Variants in TADA2A observed in about 807,000 individuals in gnomAD.
TADA2A encodes transcriptional adapter 2-alpha.
TADA2A carries 38 observed loss-of-function variants against 67.4 expected under a neutral mutation model. That is an observed-to-expected ratio of 0.56 (90% CI 0.44 to 0.74). TADA2A has a LOEUF of 0.74. TADA2A is among the 30% of genes least tolerant of loss of function. The pLI is 0.00. For synonymous variants in TADA2A, 192 were observed against 181.6 expected, an observed-to-expected ratio of 1.06 and a Z score of -0.46; for missense variants, 454 against 547.0, an observed-to-expected ratio of 0.83 and a Z score of 1.70.
At chr17:37,453,597 T>C (rs1183521471) in intron 8 of TADA2A, among the ~76,000 whole-genome samples, 2 of 152,126 alleles carry the variant, frequency 1.3e-5, no homozygotes, top group Non-Finnish European at 2.9e-5. Context: ...TAGTAGAACA[T>C]GTAAATAATG....
intron 9 of TADA2A, chr17:37,461,832 A>G: frequency 2.8e-6 from 1 of 357,246 alleles, no homozygotes. Context: ...TGATTGATTC[A>G]TTCGTTCAGC....
intron 2 of TADA2A, among the ~76,000 whole-genome samples, chr17:37,413,021 G>A (rs1415375250): frequency 1.3e-5 from 2 of 151,648 alleles, no homozygotes; most frequent in Admixed American, 6.6e-5. Flanking sequence ...TCCACCTCCC[G>A]GGTTCAAGCA....
chr17:37,407,049 G>C (rs560853091), intron 1 of TADA2A, 100 bp downstream of exon 1: 2 of 147,170 alleles, frequency 1.4e-5, no homozygotes, highest in Non-Finnish European at 3.0e-5. Context: ...AGGTGCGGCG[G>C]GGGAGGAGTC....
intron 5 of TADA2A, among the ~76,000 whole-genome samples, chr17:37,438,879 G>GT (rs1328018306): frequency 2.6e-5 from 4 of 152,166 alleles, no homozygotes; most frequent in Admixed American, 1.3e-4. Context: ...TCTATCCGCT[G>GT]TGGGTAAGGC....
intron 10 of TADA2A, 122 bp downstream of exon 10, chr17:37,462,243 C>A: frequency 3.2e-6 from 2 of 633,986 alleles, no homozygotes; most frequent in South Asian, 2.2e-5. Context: ...TCACTCCAGA[C>A]TAATGAAGTA....
At chr17:37,461,045 C>T (rs770218041) in intron 9 of TADA2A, among the ~76,000 whole-genome samples, 1 of 152,080 alleles carries the variant, frequency 6.6e-6, no homozygotes, top group Non-Finnish European at 1.5e-5. Flanking sequence ...CAGCAGTCCT[C>T]AACCTTTTTG....
chr17:37,443,438 G>A (rs1039313311), intron 7 of TADA2A, among the ~76,000 whole-genome samples: 14 of 152,046 alleles, frequency 9.2e-5, no homozygotes, highest in Non-Finnish European at 4.4e-5. Flanking sequence ...ATTTTTAGTA[G>A]AGATAGGGTT....
At chr17:37,413,927 G>GT (rs2051958725) in intron 2 of TADA2A, among the ~76,000 whole-genome samples, 1 of 152,138 alleles carries the variant, frequency 6.6e-6, no homozygotes, top group Non-Finnish European at 1.5e-5. Flanking sequence ...TCGAGAGGTA[G>GT]TTTTTGGGTC....
intron 4 of TADA2A, among the ~76,000 whole-genome samples, chr17:37,427,688 T>C (rs534611026): frequency 1.3e-5 from 2 of 150,290 alleles, no homozygotes; most frequent in Admixed American, 6.7e-5. Flanking sequence ...TTTGTCAAGA[T>C]AGTTTTGTTG....
intron 4 of TADA2A, 98 bp from the exon 5 acceptor site, chr17:37,437,640 G>T (rs756943560): frequency 2.9e-6 from 3 of 1,035,174 alleles, no homozygotes; most frequent in Non-Finnish European, 4.4e-6. Flanking sequence ...GCCCGCCTCC[G>T]CCTTCCAAAG....
chr17:37,457,377 C>T (rs1468936077), intron 8 of TADA2A, among the ~76,000 whole-genome samples: 1 of 150,808 alleles, frequency 6.6e-6, no homozygotes, highest in African/African-American at 2.4e-5. Context: ...GACATGGTTT[C>T]ACCATATTGG....
At chr17:37,459,112 G>A (rs1228420818) in intron 9 of TADA2A, among the ~76,000 whole-genome samples, 1 of 152,018 alleles carries the variant, frequency 6.6e-6, no homozygotes, top group East Asian at 1.9e-4. Context: ...AGTAATTCCT[G>A]TGTTATTTTT....
intron 8 of TADA2A, among the ~76,000 whole-genome samples, chr17:37,445,546 G>A (rs914516143): frequency 2.0e-5 from 3 of 152,174 alleles, no homozygotes; most frequent in African/African-American, 7.2e-5. Flanking sequence ...GATTACAGGC[G>A]TGAACCACCA....
intron 14 of TADA2A, among the ~76,000 whole-genome samples, chr17:37,473,737 T>C (rs984330626): frequency 2.0e-5 from 3 of 152,188 alleles, no homozygotes; most frequent in Admixed American, 6.5e-5. Flanking sequence ...CTCAGGTGTG[T>C]GAGTTGACCT....
At chr17:37,474,897 A>G (rs1255716953) in intron 15 of TADA2A, among the ~76,000 whole-genome samples, 2 of 152,208 alleles carry the variant, frequency 1.3e-5, no homozygotes, top group South Asian at 2.1e-4. Flanking sequence ...ACTATCATCT[A>G]TTGAGCACTT....
intron 8 of TADA2A, among the ~76,000 whole-genome samples, chr17:37,446,103 GT>G (rs200210448): frequency 0.46 from 54,005 of 116,520 alleles, 10,176 homozygotes; most frequent in East Asian, 0.73. Context: ...TTTTGGGGGG[GT>G]TTTTTTTTTT....
At chr17:37,427,875 G>A (rs563281240) in intron 4 of TADA2A, among the ~76,000 whole-genome samples, 1 of 152,024 alleles carries the variant, frequency 6.6e-6, no homozygotes, top group South Asian at 2.1e-4. Flanking sequence ...TCAGCTACTT[G>A]GGCGTCTGAG....
intron 9 of TADA2A, among the ~76,000 whole-genome samples, chr17:37,460,989 A>G (rs1220750798): frequency 1.3e-5 from 2 of 152,076 alleles, no homozygotes; most frequent in African/African-American, 4.8e-5. Flanking sequence ...AAAGAAAAAA[A>G]AGGGACTTGA....
At chr17:37,414,472 T>A (rs1047956087) in intron 2 of TADA2A, among the ~76,000 whole-genome samples, 1 of 152,176 alleles carries the variant, frequency 6.6e-6, no homozygotes, top group Non-Finnish European at 1.5e-5. Flanking sequence ...CCTGGTACTT[T>A]TACAAGGGAG....
Sources: allele counts gnomAD v4.1 joint callset (sites outside exome capture counted in the v4.1 genomes callset), GRCh38; gene constraint gnomAD v4.1.1; transcripts MANE v1.5; gene names NCBI Gene and HGNC (gene_info 2026-07-23, HGNC 2026-07-21).